Variants in PLXNA4 observed in about 807,000 individuals in gnomAD.
PLXNA4 encodes the protein plexin-A4.
PLXNA4 carries 44 observed loss-of-function variants against 191.8 expected under a neutral mutation model. That is an observed-to-expected ratio of 0.23 (90% CI 0.18 to 0.29). The LOEUF is 0.29. PLXNA4 is among the 10% of genes least tolerant of loss of function. The pLI is 1.00. For missense variants in PLXNA4, 1,800 were observed against 2,488.8 expected (o/e 0.72, Z 5.89); for synonymous variants, 1,082 against 1,009.5 (o/e 1.07, Z -1.36).
Position 132,181,453 on chromosome 7 carries a change from G to A in PLXNA4, c.3420C>T (p.Pro1140=). 6.2e-7 allele frequency: 1 copy of A among 1,614,164 alleles called. No homozygotes were observed. The highest frequency in any genetic ancestry group is 8.5e-7 in the Non-Finnish European group (1 of 1,180,034). The part of the protein sequence containing the change: ...ILNKTNFTYY[P]NPVFEAFGPS... ...GACCAAAGGCCTCAAACACCGGGTTGGGATAGTAGGTGAAGTTGGTCTTGT... is the reference window on the plus strand; with the variant it reads ...GACCAAAGGCCTCAAACACCGGGTTAGGATAGTAGGTGAAGTTGGTCTTGT... The change falls in exon 18 of 32, where the codon CCC becomes CCT. Residue 1140 remains proline (P), a synonymous_variant. Transcript: ENST00000321063.
At chr7:132,574,023 G>A (rs1234320579) in intron 1 of PLXNA4, among the ~76,000 whole-genome samples, 1 of 152,192 alleles carries the variant, frequency 6.6e-6, no homozygotes, top group Non-Finnish European at 1.5e-5. Context: ...AAAACGTAAT[G>A]TATACTCCGC....
At chr7:132,365,467 C>G (rs1175761890) in intron 3 of PLXNA4, among the ~76,000 whole-genome samples, 3 of 152,070 alleles carry the variant, frequency 2.0e-5, no homozygotes, top group Non-Finnish European at 4.4e-5. Context: ...AGACCCTCCC[C>G]CTTTGGGGGC....
At chr7:132,142,730 G>A (rs1246866980) in intron 29 of PLXNA4, among the ~76,000 whole-genome samples, 5 of 152,210 alleles carry the variant, frequency 3.3e-5, no homozygotes, top group African/African-American at 1.2e-4. Context: ...GGTGAAAGTA[G>A]GGGTCATTCC....
chr7:132,313,048 T>C (rs1189283966), intron 3 of PLXNA4, among the ~76,000 whole-genome samples: 1 of 152,142 alleles, frequency 6.6e-6, no homozygotes, highest in Non-Finnish European at 1.5e-5. Context: ...AGGCAGGAGC[T>C]GCACCTGGAC....
At chr7:132,230,628 G>GC (rs772538105) in intron 5 of PLXNA4, among the ~76,000 whole-genome samples, 4 of 152,168 alleles carry the variant, frequency 2.6e-5, no homozygotes, top group African/African-American at 9.7e-5. Context: ...CAGCTCCTCT[G>GC]CGAGGACTCC....
chr7:132,328,051 G>A (rs780924923), intron 3 of PLXNA4, among the ~76,000 whole-genome samples: 4 of 152,172 alleles, frequency 2.6e-5, no homozygotes, highest in Non-Finnish European at 5.9e-5. Flanking sequence ...TGGACAGAGC[G>A]CTGCCTTTGA....
intron 5 of PLXNA4, among the ~76,000 whole-genome samples, chr7:132,239,349 G>T (rs759031233): frequency 1.3e-5 from 2 of 152,194 alleles, no homozygotes; most frequent in Non-Finnish European, 2.9e-5. Context: ...TGTTCACAGG[G>T]CTCCGTGCTC....
intron 4 of PLXNA4, among the ~76,000 whole-genome samples, chr7:132,259,986 G>T (rs1384980634): frequency 6.6e-6 from 1 of 152,124 alleles, no homozygotes; most frequent in Non-Finnish European, 1.5e-5. Context: ...TGTCAGAAAG[G>T]CTATTATTAA....
intron 12 of PLXNA4, among the ~76,000 whole-genome samples, chr7:132,201,169 G>C (rs1314194102): frequency 6.6e-6 from 1 of 152,156 alleles, no homozygotes; most frequent in East Asian, 1.9e-4. Context: ...CCATCTCCGA[G>C]TCAAGGAGAG....
chr7:132,492,292 G>A (rs1414703162), intron 2 of PLXNA4, among the ~76,000 whole-genome samples: 1 of 152,124 alleles, frequency 6.6e-6, no homozygotes. Context: ...ATTTCTGAGG[G>A]GTCAGGATTA....
At chr7:132,344,658 C>T (rs1383242353) in intron 3 of PLXNA4, among the ~76,000 whole-genome samples, 1 of 152,156 alleles carries the variant, frequency 6.6e-6, no homozygotes, top group Non-Finnish European at 1.5e-5. Context: ...GTTCCATTAT[C>T]TACATGCAGG....
chr7:132,200,619 G>A lies in PLXNA4; in HGVS notation c.2587-1983C>T, dbSNP rs567226052. On this transcript the variant is annotated intron_variant, in intron 12 of 31. Coordinates refer to ENST00000321063, the MANE Select transcript of PLXNA4 (RefSeq NM_020911.2). ...GGGTCTGAAGCATGGGGCACATGTT[G>A]AGGGCCACCCCAAGGGGCTGCTTTG... 3.3e-5 allele frequency among the ~76,000 whole-genome samples: 5 copies of A among 152,324 alleles called. No homozygotes were observed. The East Asian group carries it at 9.7e-4, about 29-fold the overall frequency.
intron 1 of PLXNA4, among the ~76,000 whole-genome samples, chr7:132,537,464 A>G (rs940875533): frequency 6.6e-6 from 1 of 152,218 alleles, no homozygotes; most frequent in Non-Finnish European, 1.5e-5. Flanking sequence ...AAGTCCATAC[A>G]TTGCCCTGAA....
At chr7:132,209,987 G>T (rs1033236485) in intron 10 of PLXNA4, among the ~76,000 whole-genome samples, 3 of 152,148 alleles carry the variant, frequency 2.0e-5, no homozygotes, top group East Asian at 1.9e-4. Flanking sequence ...CCCTTCTAAG[G>T]CCTATGTATC....
intron 1 of PLXNA4, among the ~76,000 whole-genome samples, chr7:132,646,432 G>C: frequency 6.6e-6 from 1 of 152,166 alleles, no homozygotes; most frequent in East Asian, 1.9e-4. Context: ...CCGATGTGGT[G>C]GTATTTGGAG....
rs1470708373 is a variant in PLXNA4 at position 132,635,170 on chromosome 7, T to TTATTTATATATATATA, written c.-87+10757_-87+10758insTATATATATATAAATA. Among the ~76,000 whole-genome samples the TTATTTATATATATATA allele has an allele frequency of 8.3e-5, 11 of 131,814 alleles. 1 individual carries two copies. Among genetic ancestry groups the TTATTTATATATATATA allele is most frequent in the Non-Finnish European group, 1.1e-4 (7 of 62,284 alleles). 86.5% of individuals were successfully genotyped at this position (131,814 alleles called of 152,430 possible). On this transcript the variant is annotated intron_variant, in intron 2 of 4. Coordinates refer to the PLXNA4 transcript ENST00000378539. ...GAGTTAATACTTAATAAACTCCCCT[T>TTATTTATATATATATA]TATATATATATATATATATATATAT...
At chr7:132,148,316 G>C (rs1192485695) in intron 26 of PLXNA4, among the ~76,000 whole-genome samples, 7 of 152,174 alleles carry the variant, frequency 4.6e-5, no homozygotes, top group Non-Finnish European at 4.4e-5. Context: ...CTTCCCTGGG[G>C]ACTCTGCCCA....
intron 2 of PLXNA4, among the ~76,000 whole-genome samples, chr7:132,615,853 T>TCCCTCTC: frequency 6.7e-6 from 1 of 148,500 alleles, no homozygotes; most frequent in African/African-American, 2.5e-5. Flanking sequence ...CCGCTATCCC[T>TCCCTCTC]CCCTCTCCCC....
intron 1 of PLXNA4, among the ~76,000 whole-genome samples, chr7:132,518,811 T>A (rs1215020590): frequency 6.6e-6 from 1 of 152,116 alleles, no homozygotes; most frequent in East Asian, 1.9e-4. Flanking sequence ...ACCTCTGAGA[T>A]GTTTATACAT....
Sources: gnomAD v4.1 joint callset for allele counts (sites outside exome capture counted in the v4.1 genomes callset) on GRCh38, gnomAD v4.1.1 for gene constraint, MANE v1.5 for transcripts, NCBI Gene and HGNC (gene_info 2026-07-23, HGNC 2026-07-21) for gene names.